The following INTS9 variants were observed in gnomAD, a reference collection of about 807,000 sequenced individuals.
INTS9 encodes protein related to CPSF subunits of 74 kDa.
A neutral mutation model predicts 79.7 loss-of-function variants in INTS9; 55 were observed. The observed-to-expected ratio is 0.69, with a 90% CI of 0.56 to 0.86. The LOEUF (loss-of-function observed/expected upper bound fraction) is 0.86, where lower values mean the gene tolerates loss of function less well. INTS9 is among the 40% of genes least tolerant of loss of function. The probability of loss-of-function intolerance (pLI) is 0.00; values close to 1 mark genes in which losing one functional copy is unlikely to be tolerated. For synonymous variants in INTS9, 319 were observed against 325.2 expected, an observed-to-expected ratio of 0.98 and a Z score of 0.20; for missense variants, 721 against 831.5, an observed-to-expected ratio of 0.87 and a Z score of 1.64.
chr8:28,773,233 G>A (rs1802653515), intron 14 of INTS9, among the ~76,000 whole-genome samples: 5 of 152,198 alleles, frequency 3.3e-5, no homozygotes, highest in Admixed American at 3.3e-4. Context: ...GGAGGCCAAG[G>A]CGGGTGGATC....
intron 4 of INTS9, 64 bp downstream of exon 4, chr8:28,846,683 G>T: frequency 3.3e-6 from 4 of 1,207,220 alleles, no homozygotes; most frequent in African/African-American, 1.5e-5. Flanking sequence ...ATTATTTCTT[G>T]ACTTCATTTT....
At chr8:28,872,179 C>T (rs982108803) in intron 1 of INTS9, among the ~76,000 whole-genome samples, 1 of 152,086 alleles carries the variant, frequency 6.6e-6, no homozygotes, top group Admixed American at 6.6e-5. Flanking sequence ...TTAAAATGTG[C>T]ATGTATAGTC....
chr8:28,819,221 T>A (rs1406444757), intron 6 of INTS9, among the ~76,000 whole-genome samples: 1 of 152,226 alleles, frequency 6.6e-6, no homozygotes, highest in Non-Finnish European at 1.5e-5. Context: ...CTCTTGCTTT[T>A]CTAGTTCTTT....
chr8:28,860,206 C>A (rs993515373), intron 1 of INTS9, among the ~76,000 whole-genome samples: 1 of 152,162 alleles, frequency 6.6e-6, no homozygotes, highest in African/African-American at 2.4e-5. Context: ...GGGGCACAAG[C>A]CACAATGGTG....
chr8:28,788,032 C>A, intron 10 of INTS9, 143 bp from the exon 11 acceptor site: 1 of 495,336 alleles, frequency 2.0e-6, no homozygotes. Flanking sequence ...GAATGAAATC[C>A]AGTGCCTACA....
At position 28,793,961 on chromosome 8, in the gene INTS9, C is replaced by A. The variant is rs777867933; in HGVS notation, c.883G>T (p.Val295Leu). Residue 295 changes from valine to leucine, a missense_variant, in exon 10 of 17, where the codon GTG becomes TTG. Physicochemically the swap from Val to Leu is conservative, Grantham distance 32. This residue lies in a region of INTS9 where 149 missense variants were observed against 223.7 expected (regional missense o/e 0.67). Coordinates refer to ENST00000521022, the MANE Select transcript of INTS9 (RefSeq NM_018250.4). ...CCAGAAGGGTAGCAGGGAACCAACA[C>A]GTTTCCTCCATTCCGGACTGTCAGA... is the stretch of plus-strand genomic sequence containing the variant. ...LALTVRNGGN[V>L]LVPCYPSGVI... 1.9e-6 allele frequency: 3 copies of A among 1,604,264 alleles called. No individual in the cohort carries two copies. Among genetic ancestry groups the A allele is most frequent in the East Asian group, 2.2e-5 (1 of 44,762 alleles).
chr8:28,777,682 T>C, intron 13 of INTS9, 147 bp downstream of exon 13: 1 of 816,374 alleles, frequency 1.2e-6, no homozygotes, highest in Non-Finnish European at 1.7e-6. Context: ...GGAGGGGGGC[T>C]GGCATGTGTC....
intron 2 of INTS9, among the ~76,000 whole-genome samples, chr8:28,856,296 T>G (rs1280054870): frequency 6.6e-6 from 1 of 152,206 alleles, no homozygotes; most frequent in Non-Finnish European, 1.5e-5. Context: ...CTGGTTTTTA[T>G]AAAAGGATAC....
At chr8:28,851,662 C>A (rs1050546750) in intron 2 of INTS9, among the ~76,000 whole-genome samples, 1 of 151,966 alleles carries the variant, frequency 6.6e-6, no homozygotes, top group Non-Finnish European at 1.5e-5. Context: ...TGGTCTCGAT[C>A]TCCTGACCTC....
intron 8 of INTS9, 69 bp downstream of exon 8, chr8:28,812,258 C>T (rs1805193578): frequency 6.7e-7 from 1 of 1,483,756 alleles, no homozygotes; most frequent in African/African-American, 1.4e-5. Flanking sequence ...CTGATGGTTC[C>T]TTGGATACAT....
intron 11 of INTS9, among the ~76,000 whole-genome samples, chr8:28,783,124 G>A (rs571778272): frequency 7.1e-4 from 99 of 138,964 alleles, no homozygotes; most frequent in African/African-American, 2.3e-3. Flanking sequence ...CAGCCTGGGC[G>A]ACAGTGAGAC....
At chr8:28,770,900 G>A (rs911816509) in intron 15 of INTS9, 82 bp downstream of exon 15, 16 of 935,902 alleles carry the variant, frequency 1.7e-5, no homozygotes, top group East Asian at 1.3e-4. Context: ...CACATGAAGC[G>A]CTATTTCAAA....
intron 1 of INTS9, among the ~76,000 whole-genome samples, chr8:28,885,815 A>G (rs1810150941): frequency 6.6e-6 from 1 of 152,230 alleles, no homozygotes; most frequent in Admixed American, 6.5e-5. Flanking sequence ...CAATCTATAC[A>G]AATAACAGAA....
chr8:28,786,796 C>A (rs1020921562), intron 11 of INTS9, among the ~76,000 whole-genome samples: 1 of 152,176 alleles, frequency 6.6e-6, no homozygotes, highest in Admixed American at 6.5e-5. Flanking sequence ...GGGCTCACTG[C>A]AAGCTCCGCC....
intron 6 of INTS9, 32 bp downstream of exon 6, chr8:28,835,260 G>T (rs1471492433): frequency 6.8e-7 from 1 of 1,476,364 alleles, no homozygotes; most frequent in Admixed American, 1.7e-5. Context: ...TGGCTCTACA[G>T]TCTCTCGGTA....
chr8:28,823,139 G>C (rs1805944846), intron 6 of INTS9, among the ~76,000 whole-genome samples: 1 of 152,178 alleles, frequency 6.6e-6, no homozygotes, highest in Non-Finnish European at 1.5e-5. Context: ...TACCTATGGA[G>C]ACTGAACATG....
intron 8 of INTS9, among the ~76,000 whole-genome samples, chr8:28,808,562 C>T (rs1804941069): frequency 6.6e-6 from 1 of 152,216 alleles, no homozygotes; most frequent in Non-Finnish European, 1.5e-5. Context: ...ATATTTACAT[C>T]TGTCTAATGT....
At chr8:28,777,098 C>T (rs1802933685) in intron 13 of INTS9, among the ~76,000 whole-genome samples, 1 of 152,248 alleles carries the variant, frequency 6.6e-6, no homozygotes. Flanking sequence ...TGTTCCCCTG[C>T]CTTAGAGTTT....
chr8:28,860,441 A>T (rs779473006), intron 1 of INTS9, among the ~76,000 whole-genome samples: 5 of 151,774 alleles, frequency 3.3e-5, no homozygotes, highest in Non-Finnish European at 5.9e-5. Context: ...CAAAGGGAAC[A>T]GTGTGCTGAA....
Sources: gnomAD v4.1 joint callset for allele counts (sites outside exome capture counted in the v4.1 genomes callset) on GRCh38, gnomAD v4.1.1 for gene constraint, gnomAD v4.1.1 regional missense constraint, MANE v1.5 for transcripts, NCBI Gene and HGNC (gene_info 2026-07-23, HGNC 2026-07-21) for gene names.